Variants in KIRREL3 observed in about 807,000 individuals in gnomAD.
The protein encoded by KIRREL3 is kirre like nephrin family adhesion molecule 3.
Under a neutral mutation model 89.7 loss-of-function variants are expected in KIRREL3, and 36 were observed. The observed-to-expected ratio is 0.40, with a 90% CI of 0.31 to 0.53. The LOEUF is 0.53. KIRREL3 is among the 20% of genes least tolerant of loss of function. The pLI, the probability that KIRREL3 is intolerant of heterozygous loss-of-function variation, is 0.49. For missense variants in KIRREL3, 864 were observed against 1,056.6 expected (o/e 0.82, Z 2.53); for synonymous variants, 445 against 441.4 (o/e 1.01, Z -0.10).
chr11:126,923,280 TCCTTCTCCTTCTCCTTCTTCCTTC>T (rs1947533687), intron 1 of KIRREL3, among the ~76,000 whole-genome samples: 1 of 129,094 alleles, frequency 7.7e-6, no homozygotes. Flanking sequence ...CTTCTCCTTC[TCCTTCTCCTTCTCCTTCTTCCTTC>T]TCCTTCTCCT....
rs1474797443 is a variant in KIRREL3, at chr11:126,656,940, T to C, written c.56-94028A>G. ...GGTGGTGTGTGCTTGTGGTCCTGGC[T>C]GCTTGGGAGGCTGAGGCATGAGAGT... On this transcript the variant is annotated intron_variant, in intron 1 of 16. Coordinates refer to ENST00000525144, the MANE Select transcript of KIRREL3 (RefSeq NM_032531.4). This position sits in a 1 kb window ranked among gnomAD's most constrained non-coding sequence, Gnocchi z 4.0. Among the ~76,000 whole-genome samples, 1 of 151,990 alleles carries C rather than the reference T, an allele frequency of 6.6e-6. No individual in the cohort carries two copies. The highest frequency in any genetic ancestry group is 1.9e-4 in the East Asian group (1 of 5,174).
intron 1 of KIRREL3, among the ~76,000 whole-genome samples, chr11:126,964,310 T>C (rs1180184439): frequency 6.6e-6 from 1 of 152,170 alleles, no homozygotes; most frequent in Non-Finnish European, 1.5e-5. Flanking sequence ...CATGGTCAGA[T>C]TGGTGTCCAC....
At chr11:126,451,092 T>C (rs867137020) in intron 7 of KIRREL3, among the ~76,000 whole-genome samples, 1,818 of 148,670 alleles carry the variant, frequency 0.012, 41 homozygotes, top group African/African-American at 0.043. Flanking sequence ...TGTGTGCATA[T>C]GTGTCCATGT....
At chr11:126,481,328 A>G (rs992584693) in intron 4 of KIRREL3, among the ~76,000 whole-genome samples, 1 of 152,142 alleles carries the variant, frequency 6.6e-6, no homozygotes, top group African/African-American at 2.4e-5. Context: ...CTTGCTGGCC[A>G]TATCTCATTT....
chr11:126,706,108 G>A (rs750013546), intron 1 of KIRREL3, among the ~76,000 whole-genome samples: 4 of 152,152 alleles, frequency 2.6e-5, no homozygotes, highest in South Asian at 4.1e-4. Flanking sequence ...TGCAGCCCCC[G>A]ATGTCACTAT....
intron 1 of KIRREL3, among the ~76,000 whole-genome samples, chr11:126,822,381 T>G (rs1943255264): frequency 6.6e-6 from 1 of 152,214 alleles, no homozygotes; most frequent in Non-Finnish European, 1.5e-5. Context: ...TGGTGAGTGC[T>G]CTAGAACTTC....
chr11:126,597,432 A>G (rs1942451804), intron 1 of KIRREL3, among the ~76,000 whole-genome samples: 1 of 152,262 alleles, frequency 6.6e-6, no homozygotes, highest in South Asian at 2.1e-4. Context: ...TGACGACACC[A>G]TCTTCTTTAA....
chr11:126,721,733 C>G (rs955166678), intron 1 of KIRREL3, among the ~76,000 whole-genome samples: 1 of 152,092 alleles, frequency 6.6e-6, no homozygotes, highest in Non-Finnish European at 1.5e-5. Context: ...TAACTGCGCT[C>G]TCCCCTAGGG....
chr11:126,891,646 C>T lies in KIRREL3; in HGVS notation c.55+108809G>A, dbSNP rs1384284519. ...GAAGCCAGTGGCCTGACAGTTAAGG[C>T]AAATGCACAGACTTCAGAAATCACA... On this transcript the variant is annotated intron_variant, in intron 1 of 16. Coordinates refer to ENST00000525144, the MANE Select transcript of KIRREL3 (RefSeq NM_032531.4). This position sits in a 1 kb window ranked among gnomAD's most constrained non-coding sequence, Gnocchi z 5.1. Among the ~76,000 whole-genome samples, 2 of 152,232 alleles carry T rather than the reference C, an allele frequency of 1.3e-5. No homozygotes were observed. The highest frequency in any genetic ancestry group is 2.9e-5 in the Non-Finnish European group (2 of 68,040).
In KIRREL3 at chr11:126,797,159, T is replaced by C. The variant is rs1393315194; in HGVS notation, c.55+203296A>G. On this transcript the variant is annotated intron_variant, in intron 1 of 16. Transcript: ENST00000525144. This position sits in a 1 kb window ranked among gnomAD's most constrained non-coding sequence, Gnocchi z 4.9. ...AATCAGAGGCTTGGGGATGTGGCAC[T>C]GAATTTGGGGCTGTGTTACTGTGCA... 2.0e-5 allele frequency among the ~76,000 whole-genome samples: 3 copies of C among 152,186 alleles called. No individual in the cohort carries two copies. The highest frequency in any genetic ancestry group is 4.4e-5 in the Non-Finnish European group (3 of 68,020).
rs765145531 is a variant in KIRREL3, at chr11:126,682,714, G to A, written c.56-119802C>T. ...CACACAGCCTAGATCCATCACATGC[G>A]CAGTTCACAACAGGGCTGGTGCTCC... On this transcript the variant is annotated intron_variant, in intron 1 of 16. Transcript: ENST00000525144. The surrounding 1 kb of genome is among the most constrained non-coding windows in gnomAD (Gnocchi z 4.8). Among the ~76,000 whole-genome samples the A allele has an allele frequency of 6.6e-6, 1 of 152,028 alleles. No homozygotes were observed. Among genetic ancestry groups the A allele is most frequent in the Non-Finnish European group, 1.5e-5 (1 of 68,024 alleles).
intron 1 of KIRREL3, among the ~76,000 whole-genome samples, chr11:126,923,837 T>G (rs1289489389): frequency 1.3e-5 from 2 of 152,224 alleles, no homozygotes; most frequent in Admixed American, 6.5e-5. Flanking sequence ...TCCAGCCCTA[T>G]GTACCCGAAT....
rs1949888130 is a variant in KIRREL3 at position 126,768,093 on chromosome 11, CA to C, written c.56-205182del. Among the ~76,000 whole-genome samples the C allele has an allele frequency of 6.6e-6, 1 of 152,200 alleles. No individual in the cohort carries two copies. The highest frequency in any genetic ancestry group is 2.4e-5 in the African/African-American group (1 of 41,438). On this transcript the variant is annotated intron_variant, in intron 1 of 16. Transcript: ENST00000525144. This position sits in a 1 kb window ranked among gnomAD's most constrained non-coding sequence, Gnocchi z 4.5. ...TCAGCCATTTCTGGCAACTGTCATT[CA>C]TTATTTCATCCATCTGTCCATCCAT...
Position 126,761,797 on chromosome 11 carries a change from G to A in KIRREL3, c.56-198885C>T, listed in dbSNP as rs1488604481. ...GTCTTGGTTTTATCTTCATTCCTAT[G>A]AACTCTCTTGGGAAGAAGTCTCCCT... On this transcript the variant is annotated intron_variant, in intron 1 of 16. Transcript: ENST00000525144. This position sits in a 1 kb window ranked among gnomAD's most constrained non-coding sequence, Gnocchi z 4.4. Among the ~76,000 whole-genome samples, 1 of 152,136 alleles carries A rather than the reference G, an allele frequency of 6.6e-6. No individual in the cohort carries two copies. The highest frequency in any genetic ancestry group is 1.5e-5 in the Non-Finnish European group (1 of 68,028).
At chr11:126,573,453 C>T (rs930309149) in intron 1 of KIRREL3, among the ~76,000 whole-genome samples, 1 of 152,012 alleles carries the variant, frequency 6.6e-6, no homozygotes, top group Admixed American at 6.6e-5. Context: ...CAGGCAGCTA[C>T]CCGCTTCCCC....
intron 12 of KIRREL3, 106 bp from the exon 13 acceptor site, chr11:126,435,409 CCAG>C: frequency 8.9e-7 from 1 of 1,126,428 alleles, no homozygotes; most frequent in Non-Finnish European, 1.3e-6. Flanking sequence ...GGCTCCTTTC[CCAG>C]TCATGTCTCT....
rs182215575 is a variant in KIRREL3 at position 126,844,795 on chromosome 11, G to C, written c.55+155660C>G. Among the ~76,000 whole-genome samples, 6 of 152,258 alleles carry C rather than the reference G, an allele frequency of 3.9e-5. No homozygotes were observed. Among genetic ancestry groups the C allele is most frequent in the African/African-American group, 7.2e-5 (3 of 41,558 alleles). On this transcript the variant is annotated intron_variant, in intron 1 of 16. Transcript: ENST00000525144. This position sits in a 1 kb window ranked among gnomAD's most constrained non-coding sequence, Gnocchi z 4.8. ...TGGGTGACAGAGTTAAGCATGTATA[G>C]GATCTTGGGACATGGGGAGCTTTTT...
At chr11:126,938,817 C>T (rs1003037164) in intron 1 of KIRREL3, among the ~76,000 whole-genome samples, 3 of 152,142 alleles carry the variant, frequency 2.0e-5, no homozygotes, top group Admixed American at 6.6e-5. Flanking sequence ...ACAGTACCTA[C>T]GAAAATCTCT....
At chr11:126,621,012 TGAGTGTAAGCGAATGCAAAGGGCAA>T (rs1943553877) in intron 1 of KIRREL3, among the ~76,000 whole-genome samples, 1 of 152,208 alleles carries the variant, frequency 6.6e-6, no homozygotes, top group African/African-American at 2.4e-5. Flanking sequence ...GGAAAGGGCT[TGAGTGTAAGCGAATGCAAAGGGCAA>T]AGTCATCTTA....
Sources: gnomAD v4.1 joint callset for allele counts (sites outside exome capture counted in the v4.1 genomes callset) on GRCh38, gnomAD v4.1.1 for gene constraint, Gnocchi (gnomAD v3.1) non-coding constraint, MANE v1.5 for transcripts, NCBI Gene and HGNC (gene_info 2026-07-23, HGNC 2026-07-21) for gene names.